The following OSTF1 variants were observed in gnomAD, a reference collection of about 807,000 sequenced individuals.
OSTF1 encodes the protein osteoclast-stimulating factor 1.
A neutral mutation model predicts 37.2 loss-of-function variants in OSTF1; 27 were observed. The observed-to-expected ratio is 0.73, with a 90% CI of 0.54 to 1.00. The LOEUF (loss-of-function observed/expected upper bound fraction) is 1.00. OSTF1 is among the 50% of genes least tolerant of loss of function. The pLI is 0.00. For missense variants in OSTF1, 232 were observed against 253.8 expected, an observed-to-expected ratio of 0.91 and a Z score of 0.58; for synonymous variants, 82 against 89.2, an observed-to-expected ratio of 0.92 and a Z score of 0.46.
chr9:75,143,126 G>A (rs2118641843), intron 9 of OSTF1, among the ~76,000 whole-genome samples: 1 of 152,126 alleles, frequency 6.6e-6, no homozygotes, highest in East Asian at 1.9e-4. Flanking sequence ...TTTTATCAGA[G>A]ATGGGGTTTC....
At chr9:75,088,959 A>T in intron 1 of OSTF1, among the ~76,000 whole-genome samples, 1 of 152,100 alleles carries the variant, frequency 6.6e-6, no homozygotes, top group East Asian at 1.9e-4. Context: ...TTTAAAGGGG[A>T]GTAGCCCTCA....
At chr9:75,118,339 G>A (rs1825524941) in intron 2 of OSTF1, among the ~76,000 whole-genome samples, 1 of 152,176 alleles carries the variant, frequency 6.6e-6, no homozygotes, top group Admixed American at 6.5e-5. Flanking sequence ...GAAAAAGCAG[G>A]GAAGACAGCA....
chr9:75,110,560 A>G (rs1473714821), intron 1 of OSTF1, among the ~76,000 whole-genome samples: 1 of 152,218 alleles, frequency 6.6e-6, no homozygotes, highest in East Asian at 1.9e-4. Flanking sequence ...AGTGAAGCCC[A>G]TCTAAGTGTC....
chr9:75,095,102 T>A (rs2118379149), intron 1 of OSTF1, among the ~76,000 whole-genome samples: 1 of 152,256 alleles, frequency 6.6e-6, no homozygotes, highest in Non-Finnish European at 1.5e-5. Context: ...AATAACTACA[T>A]AGTATTCTGC....
At chr9:75,093,203 C>T (rs572313089) in intron 1 of OSTF1, among the ~76,000 whole-genome samples, 1 of 151,870 alleles carries the variant, frequency 6.6e-6, no homozygotes, top group South Asian at 2.1e-4. Context: ...TGGCTGAGAC[C>T]CTCCTTTCCT....
At chr9:75,142,409 TC>T (rs1343305521) in intron 9 of OSTF1, among the ~76,000 whole-genome samples, 1 of 152,162 alleles carries the variant, frequency 6.6e-6, no homozygotes, top group Admixed American at 6.5e-5. Context: ...GCCACTGACT[TC>T]CTGTTGTGTG....
intron 1 of OSTF1, among the ~76,000 whole-genome samples, chr9:75,095,776 G>A (rs1825070833): frequency 6.6e-6 from 1 of 152,160 alleles, no homozygotes. Flanking sequence ...TTCACAGATT[G>A]CTTATCTGTT....
At chr9:75,143,882 AAGG>A (rs1437272358) in intron 9 of OSTF1, among the ~76,000 whole-genome samples, 3 of 152,346 alleles carry the variant, frequency 2.0e-5, no homozygotes, top group Admixed American at 6.5e-5. Context: ...GAAAGGAAAG[AAGG>A]AGAAGGAATT....
chr9:75,088,813 C>A, intron 1 of OSTF1, 87 bp downstream of exon 1: 1 of 1,327,854 alleles, frequency 7.5e-7, no homozygotes, highest in Non-Finnish European at 1.1e-6. Context: ...GAGGACCCGG[C>A]GCGCACCCGG....
At chr9:75,097,337 C>G (rs76314869) in intron 1 of OSTF1, among the ~76,000 whole-genome samples, 2,581 of 152,244 alleles carry the variant, frequency 0.017, 67 homozygotes, top group African/African-American at 0.058. Context: ...TCTGACAGGG[C>G]TTCTGGTCCT....
At chr9:75,130,518 GA>G (rs1564166145) in intron 3 of OSTF1, 59 bp from the exon 4 acceptor site, 3 of 1,148,098 alleles carry the variant, frequency 2.6e-6, no homozygotes, top group African/African-American at 3.0e-5. Context: ...TAGATAATTT[GA>G]AAAGTGAATG....
intron 7 of OSTF1, among the ~76,000 whole-genome samples, chr9:75,136,003 C>T (rs545740714): frequency 6.6e-6 from 1 of 152,194 alleles, no homozygotes; most frequent in Admixed American, 6.5e-5. Flanking sequence ...TCAGGCCCAC[C>T]TGGGATAATG....
intron 9 of OSTF1, among the ~76,000 whole-genome samples, chr9:75,145,166 T>C (rs867635610): frequency 1.9e-4 from 12 of 62,136 alleles, no homozygotes; most frequent in African/African-American, 1.1e-3. Context: ...TATCTACCTA[T>C]CTATCTATCT....
At chr9:75,099,735 A>T (rs1825156427) in intron 1 of OSTF1, among the ~76,000 whole-genome samples, 1 of 152,192 alleles carries the variant, frequency 6.6e-6, no homozygotes, top group African/African-American at 2.4e-5. Flanking sequence ...TGGCCGAGGC[A>T]GGAGAATAGC....
chr9:75,088,532 G>C lies in OSTF1; in HGVS notation c.-161G>C. 1 of 756,108 alleles carries C rather than the reference G, an allele frequency of 1.3e-6. No individual in the cohort carries two copies. The highest frequency in any genetic ancestry group is 2.7e-5 in the East Asian group (1 of 36,428). 46.8% of individuals were successfully genotyped at this position (756,108 alleles called of 1,614,324 possible). A position where few individuals can be genotyped will look rare whatever the true frequency, so the allele number is the denominator to read the frequency against. ...GCGGAGCACTCGGCGGAGCCGCTCTGCCTGCGTCCGCTCTTCCCGCAGCCA... is the reference window on the plus strand; with the variant it reads ...GCGGAGCACTCGGCGGAGCCGCTCTCCCTGCGTCCGCTCTTCCCGCAGCCA... On this transcript the variant is annotated 5_prime_UTR_variant, in exon 1 of 10. Coordinates refer to ENST00000346234, the MANE Select transcript of OSTF1 (RefSeq NM_012383.5).
At chr9:75,136,666 A>G (rs1302522330) in intron 7 of OSTF1, among the ~76,000 whole-genome samples, 1 of 152,248 alleles carries the variant, frequency 6.6e-6, no homozygotes, top group African/African-American at 2.4e-5. Context: ...TGCTGAGATT[A>G]CAGGTGTGAG....
intron 2 of OSTF1, among the ~76,000 whole-genome samples, chr9:75,126,628 C>T (rs1319865432): frequency 6.6e-6 from 1 of 152,200 alleles, no homozygotes; most frequent in Non-Finnish European, 1.5e-5. Flanking sequence ...GAGTCTCGCT[C>T]TGTCACCCAG....
intron 1 of OSTF1, among the ~76,000 whole-genome samples, chr9:75,109,293 T>A (rs1331511024): frequency 6.6e-6 from 1 of 152,234 alleles, no homozygotes; most frequent in Non-Finnish European, 1.5e-5. Flanking sequence ...ATTACAGGCA[T>A]GAGCCGCCAT....
At chr9:75,131,006 C>G (rs1454974211) in intron 4 of OSTF1, among the ~76,000 whole-genome samples, 1 of 152,078 alleles carries the variant, frequency 6.6e-6, no homozygotes, top group Admixed American at 6.5e-5. Context: ...CTTGTTCATT[C>G]ATGTTTGGGG....
Sources: allele counts gnomAD v4.1 joint callset (sites outside exome capture counted in the v4.1 genomes callset), GRCh38; gene constraint gnomAD v4.1.1; transcripts MANE v1.5; gene names NCBI Gene and HGNC (gene_info 2026-07-23, HGNC 2026-07-21).